The following CTNNA3 variants were observed in gnomAD, a reference collection of about 807,000 sequenced individuals.
The protein encoded by CTNNA3 is catenin alpha-3.
In CTNNA3, 76 loss-of-function variants were observed where a neutral mutation model predicts 95.7. The ratio of observed to expected loss-of-function variants is 0.79; its 90% CI spans 0.66 to 0.96. CTNNA3 has a LOEUF of 0.96. CTNNA3 is among the 40% of genes least tolerant of loss of function. The pLI is 0.00. For missense variants in CTNNA3, 1,191 were observed against 1,089.8 expected, an observed-to-expected ratio of 1.09 and a Z score of -1.31; for synonymous variants, 431 against 374.4, an observed-to-expected ratio of 1.15 and a Z score of -1.74.
At chr10:66,210,401 G>C (rs552873967) in intron 13 of CTNNA3, among the ~76,000 whole-genome samples, 3 of 151,620 alleles carry the variant, frequency 2.0e-5, no homozygotes, top group African/African-American at 7.3e-5. Flanking sequence ...TTCTTGCATT[G>C]AGAAATAAGG....
At chr10:66,832,488 G>T (rs1842755092) in intron 7 of CTNNA3, among the ~76,000 whole-genome samples, 1 of 152,008 alleles carries the variant, frequency 6.6e-6, no homozygotes, top group African/African-American at 2.4e-5. Context: ...TGTTTTTGAG[G>T]AGGCCATTTA....
At chr10:65,995,119 T>C (rs574000442) in intron 15 of CTNNA3, among the ~76,000 whole-genome samples, 1 of 152,252 alleles carries the variant, frequency 6.6e-6, no homozygotes, top group Admixed American at 6.5e-5. Context: ...GCTTCTTTAA[T>C]ATTATTACTC....
chr10:66,756,202 GT>G (rs1474887955), intron 9 of CTNNA3, among the ~76,000 whole-genome samples: 3 of 152,060 alleles, frequency 2.0e-5, no homozygotes, highest in African/African-American at 7.2e-5. Flanking sequence ...AGACATTAGA[GT>G]GAAAAAAGAG....
chr10:66,720,427 C>T (rs113171234), intron 9 of CTNNA3, among the ~76,000 whole-genome samples: 4 of 152,302 alleles, frequency 2.6e-5, no homozygotes, highest in African/African-American at 7.2e-5. Flanking sequence ...GGGCCATTGC[C>T]GTGCAGGTTT....
intron 5 of CTNNA3, among the ~76,000 whole-genome samples, chr10:67,368,140 G>T (rs1461717213): frequency 2.0e-5 from 3 of 152,052 alleles, no homozygotes; most frequent in Non-Finnish European, 4.4e-5. Context: ...TCCCACAAAG[G>T]ACTTATACCT....
At position 66,759,585 on chromosome 10, in the gene CTNNA3, T is replaced by A. The variant is rs752254518; in HGVS notation, c.1281+6679A>T. 2.0e-5 allele frequency among the ~76,000 whole-genome samples: 3 copies of A among 152,188 alleles called. No homozygotes were observed. The East Asian group carries it at 5.8e-4, about 29-fold the overall frequency. On this transcript the variant is annotated intron_variant, in intron 9 of 17. Coordinates refer to ENST00000433211, the MANE Select transcript of CTNNA3 (RefSeq NM_013266.4). The stretch of plus-strand genomic sequence containing the variant: ...ACAGTATGTCCAGGGTCCAGCACAG[T>A]ATATGGTCACAATAGGCTTTAAAGA...
Position 66,766,406 on chromosome 10 carries a change from G to A in CTNNA3, c.1139C>T (p.Ala380Val). 6.2e-7 allele frequency: 1 copy of A among 1,606,626 alleles called. No homozygotes were observed. Among genetic ancestry groups the A allele is most frequent in the Non-Finnish European group, 8.5e-7 (1 of 1,176,590 alleles). The change falls in exon 9 of 18, where the codon GCT becomes GTT. Residue 380 changes from alanine to valine, a missense_variant. Physicochemically the swap from Ala to Val is moderately conservative, Grantham distance 64 (BLOSUM62 0). Transcript: ENST00000433211. Reference protein sequence around the residue: ...TRDLRRQLRKAIIDHVSDSFL... With the variant: ...TRDLRRQLRKVIIDHVSDSFL... ...AGAGTCTGACACATGATCTATAATA[G>A]CCTTGCGGAGCTGAGAAGAAATGAA...
chr10:66,765,830 G>A (rs1157288919), intron 9 of CTNNA3, among the ~76,000 whole-genome samples: 2 of 152,028 alleles, frequency 1.3e-5, no homozygotes, highest in African/African-American at 4.8e-5. Flanking sequence ...CTTATTCCTG[G>A]ATATCTCTAC....
At chr10:66,154,942 G>A (rs1781572716) in intron 13 of CTNNA3, among the ~76,000 whole-genome samples, 1 of 151,178 alleles carries the variant, frequency 6.6e-6, no homozygotes, top group African/African-American at 2.4e-5. Context: ...TCTATAAACA[G>A]CCAGACAGTA....
chr10:67,244,337 G>C (rs1865828858), intron 5 of CTNNA3, among the ~76,000 whole-genome samples: 1 of 152,116 alleles, frequency 6.6e-6, no homozygotes, highest in South Asian at 2.1e-4. Context: ...TTCCCCAACA[G>C]AAACAAGACT....
intron 10 of CTNNA3, among the ~76,000 whole-genome samples, chr10:66,545,615 G>GT (rs1842012149): frequency 6.6e-6 from 1 of 151,990 alleles, no homozygotes; most frequent in Non-Finnish European, 1.5e-5. Context: ...TGCTAAACAT[G>GT]TTTCTAAGGT....
At chr10:66,490,094 C>T (rs2131931884) in intron 11 of CTNNA3, among the ~76,000 whole-genome samples, 1 of 152,204 alleles carries the variant, frequency 6.6e-6, no homozygotes, top group South Asian at 2.1e-4. Flanking sequence ...TATGGATAAA[C>T]ATATCTATTC....
intron 7 of CTNNA3, among the ~76,000 whole-genome samples, chr10:66,938,007 A>G (rs866612222): frequency 1.9e-4 from 29 of 152,148 alleles, no homozygotes; most frequent in African/African-American, 6.7e-4. Context: ...TCTTCTTCCA[A>G]TGGTGGCTGA....
At chr10:67,706,410 A>G (rs1470642109) in intron 1 of CTNNA3, among the ~76,000 whole-genome samples, 1 of 152,126 alleles carries the variant, frequency 6.6e-6, no homozygotes, top group Non-Finnish European at 1.5e-5. Flanking sequence ...AGAAAGAAAA[A>G]AAAATCTCTT....
chr10:66,709,135 C>G (rs534139958), intron 9 of CTNNA3, among the ~76,000 whole-genome samples: 1 of 152,122 alleles, frequency 6.6e-6, no homozygotes, highest in Admixed American at 6.6e-5. Context: ...TTATACACAA[C>G]CTTATATAAA....
chr10:67,744,839 G>C (rs551275596), intron 1 of CTNNA3, among the ~76,000 whole-genome samples: 1 of 151,952 alleles, frequency 6.6e-6, no homozygotes, highest in Non-Finnish European at 1.5e-5. Flanking sequence ...AAAAGTGGGC[G>C]AAGGATATGA....
At chr10:66,934,378 C>G (rs1363652639) in intron 7 of CTNNA3, among the ~76,000 whole-genome samples, 1 of 151,976 alleles carries the variant, frequency 6.6e-6, no homozygotes. Flanking sequence ...TCCTATATCA[C>G]CAAAAAATGT....
At chr10:66,700,641 G>T (rs548845878) in intron 9 of CTNNA3, among the ~76,000 whole-genome samples, 6 of 152,086 alleles carry the variant, frequency 3.9e-5, no homozygotes, top group Non-Finnish European at 5.9e-5. Context: ...ATTAATTTTA[G>T]AATTTTTCCA....
intron 11 of CTNNA3, among the ~76,000 whole-genome samples, chr10:66,505,820 A>G (rs1443699286): frequency 5.3e-5 from 8 of 152,130 alleles, no homozygotes; most frequent in Admixed American, 5.2e-4. Context: ...TGGCGTCTGG[A>G]GATGGTGTTC....
Sources: gnomAD v4.1 joint callset for allele counts (sites outside exome capture counted in the v4.1 genomes callset) on GRCh38, gnomAD v4.1.1 for gene constraint, MANE v1.5 for transcripts, NCBI Gene and HGNC (gene_info 2026-07-23, HGNC 2026-07-21) for gene names.